Variants in KLHL32 observed in about 807,000 individuals in gnomAD.
KLHL32 encodes the protein kelch like family member 32.
A neutral mutation model predicts 64.8 loss-of-function variants in KLHL32; 35 were observed. The ratio of observed to expected loss-of-function variants is 0.54; its 90% CI spans 0.41 to 0.72. The LOEUF is 0.72. Among genes scored for constraint, KLHL32 ranks in the 30% least tolerant of loss-of-function variants. The probability of loss-of-function intolerance (pLI) is 0.00; values close to 1 mark genes in which losing one functional copy is unlikely to be tolerated. For missense variants in KLHL32, 589 were observed against 768.5 expected, an observed-to-expected ratio of 0.77 and a Z score of 2.76; for synonymous variants, 259 against 281.0, an observed-to-expected ratio of 0.92 and a Z score of 0.78.
At chr6:97,103,512 C>T (rs1429860575) in intron 6 of KLHL32, among the ~76,000 whole-genome samples, 2 of 152,166 alleles carry the variant, frequency 1.3e-5, no homozygotes, top group Non-Finnish European at 2.9e-5. Context: ...TGTATAAAAT[C>T]TTATTCTGGG....
chr6:96,991,160 A>ATGCAAGGGC (rs1490846025), intron 3 of KLHL32, among the ~76,000 whole-genome samples: 1 of 149,486 alleles, frequency 6.7e-6, no homozygotes, highest in African/African-American at 2.5e-5. Context: ...TCCTTCCCCA[A>ATGCAAGGGC]TGCAAGGGCA....
At chr6:97,115,695 C>T (rs973127785) in intron 7 of KLHL32, among the ~76,000 whole-genome samples, 4 of 152,210 alleles carry the variant, frequency 2.6e-5, no homozygotes, top group African/African-American at 7.2e-5. Flanking sequence ...AAGTGTTCTC[C>T]TTTGAAAGGT....
At chr6:97,019,052 A>C (rs12175747) in intron 3 of KLHL32, among the ~76,000 whole-genome samples, 11,697 of 152,228 alleles carry the variant, frequency 0.077, 484 homozygotes, top group South Asian at 0.15. Flanking sequence ...GACATAAAGG[A>C]CTCATTAAAA....
chr6:97,048,706 A>G (rs1277386349), intron 4 of KLHL32, among the ~76,000 whole-genome samples: 1 of 152,212 alleles, frequency 6.6e-6, no homozygotes, highest in Non-Finnish European at 1.5e-5. Flanking sequence ...AGACCTGAGC[A>G]TCAGGCCAGG....
intron 6 of KLHL32, among the ~76,000 whole-genome samples, chr6:97,092,621 C>G (rs1230452628): frequency 3.3e-5 from 5 of 152,122 alleles, no homozygotes; most frequent in Non-Finnish European, 7.4e-5. Context: ...CTTTGAGGGG[C>G]CCCTAGCTGG....
chr6:96,924,195 CAACTTGAACTTCACAAGTTA>C (rs1166857303), upstream of KLHL32, among the ~76,000 whole-genome samples: 1 of 152,192 alleles, frequency 6.6e-6, no homozygotes, highest in Non-Finnish European at 1.5e-5. Flanking sequence ...GGACTAGAGG[CAACTTGAACTTCACAAGTTA>C]GCAGAGCAAG....
At chr6:97,005,953 A>G (rs993684699) in intron 3 of KLHL32, among the ~76,000 whole-genome samples, 3 of 152,104 alleles carry the variant, frequency 2.0e-5, no homozygotes, top group South Asian at 2.1e-4. Flanking sequence ...AGAAGAATGT[A>G]TAGTATGTAC....
chr6:97,007,755 G>T (rs142821972), intron 3 of KLHL32, among the ~76,000 whole-genome samples: 26 of 152,252 alleles, frequency 1.7e-4, no homozygotes, highest in African/African-American at 4.6e-4. Flanking sequence ...TGAGGCCAAG[G>T]CTCAGCTCAG....
intron 9 of KLHL32, among the ~76,000 whole-genome samples, chr6:97,131,325 T>C (rs1213873774): frequency 6.6e-6 from 1 of 152,198 alleles, no homozygotes; most frequent in Non-Finnish European, 1.5e-5. Context: ...GCTTTTAGTC[T>C]TATTTCTTGT....
chr6:97,003,682 G>T (rs183169154), intron 3 of KLHL32, among the ~76,000 whole-genome samples: 92 of 152,248 alleles, frequency 6.0e-4, no homozygotes, highest in South Asian at 2.5e-3. Context: ...CTGTAAGGAA[G>T]GGGTCTAGTT....
At chr6:96,996,398 A>AATC (rs1778426448) in intron 3 of KLHL32, among the ~76,000 whole-genome samples, 1 of 152,182 alleles carries the variant, frequency 6.6e-6, no homozygotes. Flanking sequence ...CAACAACAAC[A>AATC]ATCTGTGTTT....
intron 5 of KLHL32, among the ~76,000 whole-genome samples, chr6:97,069,032 G>A (rs1790275450): frequency 6.6e-6 from 1 of 152,174 alleles, no homozygotes; most frequent in Non-Finnish European, 1.5e-5. Context: ...CAGAGAAGGG[G>A]GGGGTCTGTT....
At chr6:97,029,408 G>A (rs1783192351) in intron 3 of KLHL32, among the ~76,000 whole-genome samples, 1 of 152,182 alleles carries the variant, frequency 6.6e-6, no homozygotes, top group Admixed American at 6.5e-5. Context: ...GGATCTTTAT[G>A]TGGTTAAGGT....
At position 97,113,981 on chromosome 6, in the gene KLHL32, G is replaced by C; in HGVS notation, c.826G>C (p.Val276Leu). Reference protein sequence around the residue: ...EYHQSIYAQPVWQTRRTKPRF... With the variant: ...EYHQSIYAQPLWQTRRTKPRF... ...CCACCAGAGCATCTATGCACAGCCT[G>C]TCTGGCAGACTCGCAGGACCAAACC... The change falls in exon 7 of 11, where the codon GTC becomes CTC. Residue 276 changes from valine to leucine, a missense_variant. Physicochemically the swap from Val to Leu is conservative, Grantham distance 32. This residue lies in a region of KLHL32 where 226 missense variants were observed against 353.2 expected (regional missense o/e 0.64). Transcript: ENST00000369261. 6.2e-7 allele frequency: 1 copy of C among 1,614,244 alleles called. No individual in the cohort carries two copies. The highest frequency in any genetic ancestry group is 8.5e-7 in the Non-Finnish European group (1 of 1,180,046).
chr6:96,929,670 A>G (rs1769604257), intron 1 of KLHL32, among the ~76,000 whole-genome samples: 1 of 152,122 alleles, frequency 6.6e-6, no homozygotes, highest in South Asian at 2.1e-4. Context: ...AACTTTCTTC[A>G]TATTTCTTTT....
intron 6 of KLHL32, among the ~76,000 whole-genome samples, chr6:97,106,973 T>A (rs1381923047): frequency 6.6e-6 from 1 of 152,152 alleles, no homozygotes; most frequent in African/African-American, 2.4e-5. Context: ...AAGCAGAATT[T>A]ATTTTTCTAA....
intron 3 of KLHL32, among the ~76,000 whole-genome samples, chr6:97,035,152 G>A (rs1260753888): frequency 6.6e-6 from 1 of 151,730 alleles, no homozygotes; most frequent in Admixed American, 6.6e-5. Context: ...GTTTTTTTCT[G>A]TGTGGTTACC....
rs951819652 is a variant in KLHL32, at chr6:97,090,211, A to G, written c.627+4870A>G. ...TAAAATGTATTGAATGGATAATAAG[A>G]CATCCTACTATTCCTACATTAGGCT... is the stretch of plus-strand genomic sequence containing the variant. On this transcript the variant is annotated intron_variant, in intron 6 of 10. Transcript: ENST00000369261. Among the ~76,000 whole-genome samples the G allele has an allele frequency of 3.9e-5, 6 of 152,334 alleles. No homozygotes were observed. The South Asian group carries it at 1.2e-3, about 32-fold the overall frequency.
intron 5 of KLHL32, among the ~76,000 whole-genome samples, chr6:97,078,677 G>A (rs1000449970): frequency 6.6e-6 from 1 of 152,144 alleles, no homozygotes; most frequent in African/African-American, 2.4e-5. Context: ...GGCATTCTCA[G>A]AACTAGATGA....
Sources: allele counts gnomAD v4.1 joint callset (sites outside exome capture counted in the v4.1 genomes callset), GRCh38; gene constraint gnomAD v4.1.1; regional missense constraint gnomAD v4.1.1; transcripts MANE v1.5; gene names NCBI Gene and HGNC (gene_info 2026-07-23, HGNC 2026-07-21).